PTPRD: variants seen among roughly 807,000 people sequenced by gnomAD.
PTPRD encodes protein tyrosine phosphatase receptor type D.
A neutral mutation model predicts 214.5 loss-of-function variants in PTPRD; 34 were observed. That is an observed-to-expected ratio of 0.16 (90% confidence interval 0.12 to 0.21). PTPRD has a LOEUF of 0.21. PTPRD is among the 10% of genes least tolerant of loss of function. The pLI is 1.00. For synonymous variants in PTPRD, 1,128 were observed against 845.7 expected, an observed-to-expected ratio of 1.33 and a Z score of -5.79; for missense variants, 2,545 against 2,398.7, an observed-to-expected ratio of 1.06 and a Z score of -1.27.
intron 2 of PTPRD, among the ~76,000 whole-genome samples, chr9:10,511,956 ATATATATATACG>A (rs1566640833): frequency 6.1e-5 from 5 of 82,218 alleles, no homozygotes; most frequent in East Asian, 3.6e-4. Context: ...ACGTGTGTGT[ATATATATATACG>A]TGTGTGTGTA....
chr9:8,588,778 AT>A (rs1378497888), intron 14 of PTPRD, among the ~76,000 whole-genome samples: 1 of 152,156 alleles, frequency 6.6e-6, no homozygotes, highest in Non-Finnish European at 1.5e-5. Flanking sequence ...TTTTGCCTCA[AT>A]TTCTTCATCA....
At chr9:9,232,067 C>T (rs1375580170) in intron 9 of PTPRD, among the ~76,000 whole-genome samples, 1 of 152,152 alleles carries the variant, frequency 6.6e-6, no homozygotes, top group African/African-American at 2.4e-5. Context: ...TACAGTGTCA[C>T]TATTCACTTG....
At chr9:8,359,830 T>C (rs896470086) in intron 39 of PTPRD, among the ~76,000 whole-genome samples, 3 of 152,204 alleles carry the variant, frequency 2.0e-5, no homozygotes, top group African/African-American at 7.2e-5. Flanking sequence ...CAAGTACCAC[T>C]TAGTGTTTGT....
At chr9:9,743,006 A>T (rs1374066511) in intron 6 of PTPRD, among the ~76,000 whole-genome samples, 3 of 152,008 alleles carry the variant, frequency 2.0e-5, no homozygotes, top group Non-Finnish European at 2.9e-5. Context: ...CATACCAATT[A>T]CTCCAAATGA....
At chr9:10,073,484 T>A (rs901002056) in intron 3 of PTPRD, among the ~76,000 whole-genome samples, 1 of 152,078 alleles carries the variant, frequency 6.6e-6, no homozygotes, top group Non-Finnish European at 1.5e-5. Flanking sequence ...GATAGTAGAA[T>A]AAAGAAATAA....
intron 5 of PTPRD, among the ~76,000 whole-genome samples, chr9:9,773,435 C>G (rs2098769830): frequency 6.6e-6 from 1 of 152,108 alleles, no homozygotes; most frequent in African/African-American, 2.4e-5. Context: ...TGATGATTGA[C>G]AGTGATGACA....
intron 14 of PTPRD, among the ~76,000 whole-genome samples, chr9:8,578,592 T>C (rs991272621): frequency 1.3e-5 from 2 of 152,180 alleles, no homozygotes; most frequent in Non-Finnish European, 2.9e-5. Flanking sequence ...CAGCCAGCTA[T>C]GACATAGATG....
intron 3 of PTPRD, among the ~76,000 whole-genome samples, chr9:10,129,652 T>C (rs1222949092): frequency 6.6e-6 from 1 of 152,076 alleles, no homozygotes; most frequent in Non-Finnish European, 1.5e-5. Flanking sequence ...ATTCCAGATA[T>C]ACTTTTCCCA....
chr9:8,621,219 T>G (rs1407207589), intron 14 of PTPRD, among the ~76,000 whole-genome samples: 2 of 151,594 alleles, frequency 1.3e-5, no homozygotes, highest in African/African-American at 4.8e-5. Flanking sequence ...GGCACCCGAG[T>G]ATGGCAAGAG....
At chr9:9,595,483 T>C (rs2093254237) in intron 7 of PTPRD, among the ~76,000 whole-genome samples, 1 of 150,506 alleles carries the variant, frequency 6.6e-6, no homozygotes. Context: ...TGCATACACA[T>C]GTATGCATAT....
chr9:9,757,446 G>A (rs960148841), intron 6 of PTPRD, among the ~76,000 whole-genome samples: 2 of 152,072 alleles, frequency 1.3e-5, no homozygotes, highest in Admixed American at 1.3e-4. Context: ...AAAACAAATG[G>A]ATGTTTAATG....
At chr9:9,429,595 C>T (rs1265945690) in intron 8 of PTPRD, among the ~76,000 whole-genome samples, 2 of 151,864 alleles carry the variant, frequency 1.3e-5, no homozygotes, top group Non-Finnish European at 2.9e-5. Flanking sequence ...AGAGAAAAAA[C>T]AAAAAAAGAG....
intron 11 of PTPRD, among the ~76,000 whole-genome samples, chr9:8,774,775 C>G (rs1297653849): frequency 6.6e-6 from 1 of 151,972 alleles, no homozygotes; most frequent in Non-Finnish European, 1.5e-5. Flanking sequence ...CTCAGGTGAT[C>G]CCCCCGCCTC....
chr9:8,404,555 G>C lies in PTPRD; in HGVS notation c.4192C>G (p.Leu1398Val). The change falls in exon 36 of 46, where the codon CTC becomes GTC. Residue 1398 changes from leucine to valine, a missense_variant. Transcript: ENST00000381196. The part of the protein sequence containing the change: ...NVIAYDHSRV[L>V]LSAIEGIPGS... ...TCCTTACCTTCTATAGCTGATAGGA[G>C]AACCCGGGAATGATCATATGCGATT... is the stretch of plus-strand genomic sequence containing the variant. 2 of 1,612,458 alleles carry C rather than the reference G, an allele frequency of 1.2e-6. No homozygotes were observed. Among genetic ancestry groups the C allele is most frequent in the Non-Finnish European group, 8.5e-7 (1 of 1,178,810 alleles).
intron 3 of PTPRD, among the ~76,000 whole-genome samples, chr9:10,061,992 C>T (rs2097784814): frequency 6.6e-6 from 1 of 151,920 alleles, no homozygotes; most frequent in Non-Finnish European, 1.5e-5. Flanking sequence ...AACAAGCCCT[C>T]CAGGGGATTA....
At chr9:10,533,219 T>C (rs531954957) in intron 2 of PTPRD, among the ~76,000 whole-genome samples, 1 of 152,224 alleles carries the variant, frequency 6.6e-6, no homozygotes, top group Admixed American at 6.6e-5. Flanking sequence ...CACCACTCAA[T>C]TGTAAACCTT....
chr9:8,821,990 G>C (rs2097077119), intron 11 of PTPRD, among the ~76,000 whole-genome samples: 1 of 152,136 alleles, frequency 6.6e-6, no homozygotes, highest in Admixed American at 6.5e-5. Flanking sequence ...CAAGGCAAAA[G>C]TCTTTAAATA....
At chr9:9,837,249 T>A (rs373247695) in intron 5 of PTPRD, among the ~76,000 whole-genome samples, 1 of 152,126 alleles carries the variant, frequency 6.6e-6, no homozygotes, top group African/African-American at 2.4e-5. Context: ...CATCCAGGAA[T>A]ACCGTAGCTG....
At chr9:8,847,774 C>T (rs541853768) in intron 11 of PTPRD, among the ~76,000 whole-genome samples, 1 of 152,084 alleles carries the variant, frequency 6.6e-6, no homozygotes, top group East Asian at 1.9e-4. Flanking sequence ...ATAATCAAAT[C>T]ATCCACCCTT....
Sources: gnomAD v4.1 joint callset for allele counts (sites outside exome capture counted in the v4.1 genomes callset) on GRCh38, gnomAD v4.1.1 for gene constraint, MANE v1.5 for transcripts, NCBI Gene and HGNC (gene_info 2026-07-23, HGNC 2026-07-21) for gene names.